The following XRCC5 variants were observed in gnomAD, a reference collection of about 807,000 sequenced individuals.
XRCC5 encodes the protein X-ray repair cross complementing 5.
Under a neutral mutation model 95.7 loss-of-function variants are expected in XRCC5, and 12 were observed. The observed-to-expected ratio is 0.13, with a 90% confidence interval of 0.08 to 0.20. XRCC5 has a LOEUF of 0.20. Among genes scored for constraint, XRCC5 ranks in the 10% least tolerant of loss-of-function variants. The pLI is 1.00. For missense variants in XRCC5, 595 were observed against 873.9 expected, an observed-to-expected ratio of 0.68 and a Z score of 4.02; for synonymous variants, 281 against 290.3, an observed-to-expected ratio of 0.97 and a Z score of 0.33.
At chr2:216,132,419 T>A (rs1697010307) in intron 10 of XRCC5, 32 bp downstream of exon 10, 1 of 1,607,630 alleles carries the variant, frequency 6.2e-7, no homozygotes, top group Non-Finnish European at 8.5e-7. Flanking sequence ...GAGGTAGTGC[T>A]ACAGAATTGA....
intron 19 of XRCC5, among the ~76,000 whole-genome samples, chr2:216,199,054 T>G (rs1689786824): frequency 6.6e-6 from 1 of 152,256 alleles, no homozygotes; most frequent in Admixed American, 6.5e-5. Context: ...CTTTTGACCA[T>G]GCACTGAAAT....
At chr2:216,127,041 C>A (rs1696910357) in intron 7 of XRCC5, among the ~76,000 whole-genome samples, 2 of 151,950 alleles carry the variant, frequency 1.3e-5, no homozygotes, top group African/African-American at 4.8e-5. Flanking sequence ...CACTTTAGGC[C>A]AGGAGTTCGA....
intron 1 of XRCC5, 74 bp downstream of exon 1, chr2:216,109,531 G>A: frequency 6.3e-7 from 1 of 1,594,924 alleles, no homozygotes; most frequent in Non-Finnish European, 8.6e-7. Context: ...AGCAGGAATC[G>A]TGGGATCGCG....
chr2:216,114,560 A>C (rs1696648424), intron 2 of XRCC5, among the ~76,000 whole-genome samples: 1 of 151,644 alleles, frequency 6.6e-6, no homozygotes, highest in Non-Finnish European at 1.5e-5. Context: ...ATGGTTAGGC[A>C]ATTAGAAATC....
chr2:216,162,871 C>A (rs1465518392), intron 16 of XRCC5, among the ~76,000 whole-genome samples: 1 of 152,128 alleles, frequency 6.6e-6, no homozygotes, highest in African/African-American at 2.4e-5. Flanking sequence ...CTGTGGCTAA[C>A]ATAAAAATAG....
chr2:216,205,302 C>A lies in XRCC5; in HGVS notation c.*100C>A. 1 of 1,475,620 alleles carries A rather than the reference C, an allele frequency of 6.8e-7. No individual in the cohort carries two copies. The highest frequency in any genetic ancestry group is 2.3e-5 in the East Asian group (1 of 44,246). 91.4% of individuals were successfully genotyped at this position (1,475,620 alleles called of 1,614,324 possible). On this transcript the variant is annotated 3_prime_UTR_variant, in exon 21 of 21. Transcript: ENST00000392132. ...GCGGCCATTCAAGGGGAGCCAAAAT[C>A]TCAAGAAATTCCCAGCAGGTTACCT...
chr2:216,119,380 T>C (rs1313208544), intron 5 of XRCC5, among the ~76,000 whole-genome samples: 1 of 152,250 alleles, frequency 6.6e-6, no homozygotes, highest in African/African-American at 2.4e-5. Context: ...TGAAAGTCAG[T>C]GATCCAGAAG....
intron 17 of XRCC5, among the ~76,000 whole-genome samples, chr2:216,190,894 A>G (rs910827878): frequency 1.3e-5 from 2 of 152,218 alleles, no homozygotes; most frequent in South Asian, 2.1e-4. Flanking sequence ...TTATATCTCT[A>G]GGTAAGAAGT....
At chr2:216,115,774 C>T (rs1409020684) in intron 2 of XRCC5, among the ~76,000 whole-genome samples, 1 of 151,480 alleles carries the variant, frequency 6.6e-6, no homozygotes, top group Non-Finnish European at 1.5e-5. Flanking sequence ...TTCCCATTGT[C>T]TTATGCTGTA....
chr2:216,115,004 G>T (rs531128051), intron 2 of XRCC5, among the ~76,000 whole-genome samples: 23 of 150,606 alleles, frequency 1.5e-4, no homozygotes, highest in African/African-American at 5.8e-4. Flanking sequence ...CCGGTGGTTG[G>T]GGGGCGGGGC....
At chr2:216,109,509 G>A in intron 1 of XRCC5, 52 bp downstream of exon 1, 5 of 1,610,242 alleles carry the variant, frequency 3.1e-6, no homozygotes, top group Non-Finnish European at 4.2e-6. Flanking sequence ...GATCCGGAGA[G>A]GGTGGTTCGG....
At chr2:216,182,035 C>A (rs1468705355) in intron 16 of XRCC5, among the ~76,000 whole-genome samples, 1 of 152,140 alleles carries the variant, frequency 6.6e-6, no homozygotes, top group African/African-American at 2.4e-5. Flanking sequence ...TGTGGTCTTT[C>A]TAAAATTTCT....
chr2:216,187,861 T>TCTCTCTCCCTCTCTC (rs143232624), intron 16 of XRCC5, among the ~76,000 whole-genome samples: 2 of 116,236 alleles, frequency 1.7e-5, no homozygotes, highest in African/African-American at 8.4e-5. Flanking sequence ...TCTCTCTCTC[T>TCTCTCTCCCTCTCTC]CCCCGTCTCC....
At chr2:216,112,212 T>C (rs1696601720) in intron 1 of XRCC5, among the ~76,000 whole-genome samples, 1 of 152,234 alleles carries the variant, frequency 6.6e-6, no homozygotes, top group African/African-American at 2.4e-5. Context: ...ACGTGATTGC[T>C]ATGTAATGGC....
At chr2:216,164,119 A>C (rs1349211824) in intron 16 of XRCC5, among the ~76,000 whole-genome samples, 1 of 152,186 alleles carries the variant, frequency 6.6e-6, no homozygotes, top group Non-Finnish European at 1.5e-5. Flanking sequence ...ATATTGTTAC[A>C]GGGTGCTCGG....
intron 8 of XRCC5, 183 bp downstream of exon 8, chr2:216,127,857 G>A: frequency 2.0e-6 from 1 of 503,684 alleles, no homozygotes; most frequent in Non-Finnish European, 3.2e-6. Flanking sequence ...TAGGCAGGTT[G>A]CTTCTCAGGA....
chr2:216,156,252 T>G, intron 14 of XRCC5: 1 of 498,996 alleles, frequency 2.0e-6, no homozygotes, highest in Non-Finnish European at 3.9e-6. Flanking sequence ...TTCCTTTCAG[T>G]CATTCCAAGG....
chr2:216,189,830 A>T (rs932288530), intron 16 of XRCC5, among the ~76,000 whole-genome samples: 2 of 152,192 alleles, frequency 1.3e-5, no homozygotes, highest in Non-Finnish European at 2.9e-5. Context: ...GGACTAGAGG[A>T]TCTGTTTTCT....
intron 1 of XRCC5, 96 bp from the exon 2 acceptor site, chr2:216,112,920 C>T (rs917598571): frequency 9.9e-6 from 9 of 911,398 alleles, no homozygotes; most frequent in Admixed American, 2.1e-5. Context: ...TTCCTAAATA[C>T]TGATACAGGT....
Sources: allele counts gnomAD v4.1 joint callset (sites outside exome capture counted in the v4.1 genomes callset), GRCh38; gene constraint gnomAD v4.1.1; transcripts MANE v1.5; gene names NCBI Gene and HGNC (gene_info 2026-07-23, HGNC 2026-07-21).